The following RGSL1 variants were observed in gnomAD, a reference collection of about 807,000 sequenced individuals.
The protein encoded by RGSL1 is regulator of G protein signaling protein-like.
RGSL1 carries 97 observed loss-of-function variants against 124.7 expected under a neutral mutation model. The observed-to-expected ratio is 0.78, with a 90% confidence interval of 0.66 to 0.92. RGSL1 has a LOEUF of 0.92. Ranked by LOEUF, RGSL1 falls within the 40% of genes least tolerant of loss-of-function variation. RGSL1 has a pLI of 0.00. For missense variants in RGSL1, 1,233 were observed against 1,288.4 expected (o/e 0.96, Z 0.66); for synonymous variants, 424 against 438.1 (o/e 0.97, Z 0.40).
intron 4 of RGSL1, among the ~76,000 whole-genome samples, chr1:182,467,550 A>G (rs1364212562): frequency 1.3e-5 from 2 of 152,236 alleles, no homozygotes; most frequent in African/African-American, 2.4e-5. Flanking sequence ...GGTGCTGGGA[A>G]AACTGGCTAG....
At chr1:182,489,251 G>A (rs1655348123) in intron 8 of RGSL1, 49 bp downstream of exon 8, 4 of 1,391,510 alleles carry the variant, frequency 2.9e-6, no homozygotes, top group Non-Finnish European at 4.0e-6. Context: ...TGGGCAACTG[G>A]AAAATAATAT....
At chr1:182,479,667 C>A (rs60741463) in intron 6 of RGSL1, among the ~76,000 whole-genome samples, 1 of 152,190 alleles carries the variant, frequency 6.6e-6, no homozygotes, top group South Asian at 2.1e-4. Flanking sequence ...AAATGTAAAT[C>A]GTCTTAACTC....
chr1:182,500,925 G>A (rs1273543280), intron 9 of RGSL1, among the ~76,000 whole-genome samples: 6 of 152,108 alleles, frequency 3.9e-5, no homozygotes, highest in South Asian at 2.1e-4. Flanking sequence ...ATTGTGTCAC[G>A]TGTCACCTCT....
intron 14 of RGSL1, among the ~76,000 whole-genome samples, chr1:182,533,009 A>G (rs1659290367): frequency 6.6e-6 from 1 of 152,176 alleles, no homozygotes; most frequent in Admixed American, 6.5e-5. Flanking sequence ...GGGAATAAGT[A>G]ACCTAAGGTA....
intron 19 of RGSL1, 22 bp downstream of exon 19, chr1:182,553,563 A>C: frequency 6.5e-7 from 1 of 1,546,464 alleles, no homozygotes; most frequent in Middle Eastern, 1.7e-4. Flanking sequence ...TTGGATCCCC[A>C]CTGATAGTTT....
intron 12 of RGSL1, among the ~76,000 whole-genome samples, chr1:182,530,576 T>C (rs1480318958): frequency 2.7e-5 from 4 of 147,502 alleles, no homozygotes; most frequent in African/African-American, 1.1e-4. Flanking sequence ...TTTCTGTTTG[T>C]TTGCATTAAC....
chr1:182,509,895 G>A (rs1204447092), intron 9 of RGSL1, among the ~76,000 whole-genome samples: 40 of 139,608 alleles, frequency 2.9e-4, no homozygotes, highest in African/African-American at 5.8e-4. Flanking sequence ...GGTGGCTGCC[G>A]GGCGGAGAGG....
At chr1:182,540,773 C>T (rs1006438824) in intron 15 of RGSL1, among the ~76,000 whole-genome samples, 2 of 152,144 alleles carry the variant, frequency 1.3e-5, no homozygotes, top group Non-Finnish European at 2.9e-5. Flanking sequence ...TATAATAATA[C>T]AAATTGTGTG....
chr1:182,553,622 A>G, intron 19 of RGSL1, 81 bp downstream of exon 19: 1 of 1,221,438 alleles, frequency 8.2e-7, no homozygotes, highest in East Asian at 2.6e-5. Flanking sequence ...CAATCCCCTT[A>G]TTGACAATAA....
At chr1:182,515,308 G>A (rs1249546679) in intron 9 of RGSL1, among the ~76,000 whole-genome samples, 1 of 152,164 alleles carries the variant, frequency 6.6e-6, no homozygotes, top group Non-Finnish European at 1.5e-5. Flanking sequence ...TTTACATTGT[G>A]CCTGTTGCCT....
At chr1:182,544,910 T>A (rs977409250) in intron 15 of RGSL1, among the ~76,000 whole-genome samples, 2 of 152,086 alleles carry the variant, frequency 1.3e-5, no homozygotes, top group Non-Finnish European at 2.9e-5. Context: ...TTCTTGTAGG[T>A]AGCATGTAGT....
chr1:182,456,767 T>C (rs1312048331), intron 2 of RGSL1, among the ~76,000 whole-genome samples: 1 of 152,226 alleles, frequency 6.6e-6, no homozygotes, highest in East Asian at 1.9e-4. Flanking sequence ...ACAGCAGTAG[T>C]AGTTCATGTT....
intron 13 of RGSL1, among the ~76,000 whole-genome samples, chr1:182,532,271 T>A (rs1659229176): frequency 6.6e-6 from 1 of 152,202 alleles, no homozygotes; most frequent in Non-Finnish European, 1.5e-5. Flanking sequence ...TTTGCTCATT[T>A]CCTTATTCCT....
chr1:182,531,904 AG>A (rs1659199988), intron 13 of RGSL1, among the ~76,000 whole-genome samples: 1 of 152,224 alleles, frequency 6.6e-6, no homozygotes, highest in African/African-American at 2.4e-5. Flanking sequence ...ATTGAGACAT[AG>A]GTTAAGTAAC....
At position 182,450,197 on chromosome 1, in the gene RGSL1, T is replaced by C. The variant is rs1025156455; in HGVS notation, c.13+19T>C. The stretch of plus-strand genomic sequence containing the variant: ...AGTGCTGGTGAGTCTCTGCCAGGGA[T>C]GTCTCCAAGGCCTTGAGTCTCTCAA... On this transcript the variant is annotated intron_variant, in intron 1 of 21. Coordinates refer to ENST00000294854, the MANE Select transcript of RGSL1 (RefSeq NM_001137669.2). The C allele has an allele frequency of 6.4e-7, 1 of 1,551,940 alleles. No individual in the cohort carries two copies. Among genetic ancestry groups the C allele is most frequent in the Admixed American group, 2.0e-5 (1 of 50,990 alleles).
rs1652028072 is a variant in RGSL1, at chr1:182,453,608, AG to A, written c.14-346del. On this transcript the variant is annotated intron_variant, in intron 1 of 21. Transcript: ENST00000294854. The stretch of plus-strand genomic sequence containing the variant: ...AATACTGGAAGCACTGTCCCTTTTA[AG>A]GGGACTTAAGTGAATTCTGTCAAGC... The A allele has an allele frequency of 3.3e-5, 6 of 181,050 alleles. No homozygotes were observed. In the South Asian group the frequency reaches 5.9e-4, roughly 18 times the overall value. 11.2% of individuals were successfully genotyped at this position (181,050 alleles called of 1,614,324 possible). A position where few individuals can be genotyped will look rare whatever the true frequency, so the allele number is the denominator to read the frequency against.
intron 4 of RGSL1, among the ~76,000 whole-genome samples, chr1:182,467,800 C>T (rs1653469550): frequency 6.6e-6 from 1 of 152,154 alleles, no homozygotes; most frequent in African/African-American, 2.4e-5. Flanking sequence ...TTCTGCACAG[C>T]AAAAGAAACT....
Position 182,556,099 on chromosome 1 carries a change from C to T in RGSL1, c.*42C>T, listed in dbSNP as rs768064524. 54 of 1,518,074 alleles carry T rather than the reference C, an allele frequency of 3.6e-5. No homozygotes were observed. Among genetic ancestry groups the T allele is most frequent in the Admixed American group, 6.2e-5 (3 of 48,096 alleles). The allele number at this position is 1,518,074 out of a possible 1,614,324, so 94.0% of individuals were successfully genotyped here. The stretch of plus-strand genomic sequence containing the variant: ...GCAGAGATAAATCATCTCTTAGAGG[C>T]CTCCTAACACTGACAGAAACTTTTC... On this transcript the variant is annotated 3_prime_UTR_variant, in exon 21 of 22. Coordinates refer to ENST00000294854, the MANE Select transcript of RGSL1 (RefSeq NM_001137669.2).
chr1:182,548,509 C>A (rs766668381), intron 16 of RGSL1, 54 bp downstream of exon 16: 1 of 1,545,784 alleles, frequency 6.5e-7, no homozygotes, highest in East Asian at 2.4e-5. Flanking sequence ...ATTTCCCCCA[C>A]AAGGACAATT....
Sources: gnomAD v4.1 joint callset for allele counts (sites outside exome capture counted in the v4.1 genomes callset) on GRCh38, gnomAD v4.1.1 for gene constraint, MANE v1.5 for transcripts, NCBI Gene and HGNC (gene_info 2026-07-23, HGNC 2026-07-21) for gene names.